PHAF1: variants seen among roughly 807,000 people sequenced by gnomAD.
PHAF1 encodes the protein phagophore assembly factor 1.
A neutral mutation model predicts 63.1 loss-of-function variants in PHAF1; 23 were observed. The observed-to-expected ratio is 0.36, with a 90% confidence interval of 0.26 to 0.52. The LOEUF is 0.52. PHAF1 is among the 20% of genes least tolerant of loss of function. PHAF1 has a pLI of 0.93. For synonymous variants in PHAF1, 167 were observed against 185.0 expected (o/e 0.90, Z 0.79); for missense variants, 427 against 517.2 (o/e 0.83, Z 1.69).
Position 67,134,466 on chromosome 16 carries a change from A to C in PHAF1, c.660A>C (p.Ala220=). ...PAGLRLRLLA[A]GCGPGLLADA... Reference sequence around the variant, plus strand: ...GTTTACGACTTCGCCTACTTGCTGCAGGTCAGTGACTGGCTTTGAGGTTGG... The same window carrying C: ...GTTTACGACTTCGCCTACTTGCTGCCGGTCAGTGACTGGCTTTGAGGTTGG... The change falls in exon 8 of 16, where the codon GCA becomes GCC. Residue 220 remains alanine, a splice_region_variant and synonymous_variant. Transcript: ENST00000219139. 6.2e-7 allele frequency: 1 copy of C among 1,606,948 alleles called. No individual in the cohort carries two copies. The highest frequency in any genetic ancestry group is 8.5e-7 in the Non-Finnish European group (1 of 1,173,572).
chr16:67,141,487 G>C (rs1298134047), intron 10 of PHAF1, among the ~76,000 whole-genome samples: 1 of 152,176 alleles, frequency 6.6e-6, no homozygotes, highest in Non-Finnish European at 1.5e-5. Context: ...GCTCCCGCTG[G>C]GCTCATTCAG....
At chr16:67,144,204 T>C in intron 10 of PHAF1, 90 bp from the exon 11 acceptor site, 1 of 873,768 alleles carries the variant, frequency 1.1e-6, no homozygotes, top group South Asian at 1.4e-5. Flanking sequence ...TGGAGTGCAC[T>C]GGATGTCCCA....
In PHAF1 at chr16:67,147,160, C is replaced by T. The variant is rs754486589; in HGVS notation, c.*29C>T. 1.1e-5 allele frequency: 18 copies of T among 1,573,712 alleles called. No homozygotes were observed. The highest frequency in any genetic ancestry group is 5.5e-5 in the South Asian group (5 of 90,110). ...CACCACCACCCATGCCCCTCTGTCC[C>T]GTGGAACTGTGCATCACATCCTGCT... On this transcript the variant is annotated 3_prime_UTR_variant, in exon 16 of 16. Transcript: ENST00000219139.
intron 3 of PHAF1, among the ~76,000 whole-genome samples, chr16:67,128,098 C>A (rs1029280106): frequency 1.6e-4 from 1 of 6,374 alleles, no homozygotes; most frequent in African/African-American, 1.7e-3. Context: ...AATCCTAACC[C>A]GCCTGTGAAG....
chr16:67,112,677 A>G (rs1364948498), intron 1 of PHAF1, among the ~76,000 whole-genome samples: 1 of 152,206 alleles, frequency 6.6e-6, no homozygotes, highest in African/African-American at 2.4e-5. Context: ...TTTCCCAGGA[A>G]TCAAGGGTTT....
intron 3 of PHAF1, among the ~76,000 whole-genome samples, chr16:67,130,639 G>A (rs959504569): frequency 6.6e-6 from 1 of 152,178 alleles, no homozygotes; most frequent in Non-Finnish European, 1.5e-5. Flanking sequence ...GTGAGCCACC[G>A]TGCCCGGCTA....
At chr16:67,122,477 G>A (rs1462702664) in intron 2 of PHAF1, among the ~76,000 whole-genome samples, 1 of 151,346 alleles carries the variant, frequency 6.6e-6, no homozygotes, top group Non-Finnish European at 1.5e-5. Context: ...TGTAATCCTG[G>A]CTATTCAGGA....
chr16:67,134,120 C>A, intron 6 of PHAF1, 48 bp from the exon 7 acceptor site: 1 of 1,476,122 alleles, frequency 6.8e-7, no homozygotes, highest in South Asian at 1.2e-5. Context: ...GAGCCTGAGT[C>A]CCATCACCTG....
Position 67,132,913 on chromosome 16 carries a change from T to A in PHAF1, c.450+2T>A. 1 of 1,598,106 alleles carries A rather than the reference T, an allele frequency of 6.3e-7. No homozygotes were observed. Among genetic ancestry groups the A allele is most frequent in the Middle Eastern group, 1.7e-4 (1 of 6,030 alleles). ...TGGACTGAGGCTCCAAAGTATGAGG[T>A]TAGCCCTTCCTGTCCCCTGGTGTTT... On this transcript the variant is annotated splice_donor_variant, in intron 6 of 15. Transcript: ENST00000219139. LOFTEE classifies it high-confidence loss of function.
intron 2 of PHAF1, among the ~76,000 whole-genome samples, chr16:67,123,347 C>T (rs1319786790): frequency 2.0e-5 from 3 of 151,722 alleles, no homozygotes; most frequent in South Asian, 4.2e-4. Flanking sequence ...GAGGCCGAGA[C>T]GGGCAGATCA....
intron 1 of PHAF1, among the ~76,000 whole-genome samples, chr16:67,118,268 T>C (rs1962827797): frequency 6.7e-6 from 1 of 148,254 alleles, no homozygotes; most frequent in Non-Finnish European, 1.5e-5. Context: ...CCACTGCACC[T>C]GGCTGCCTAG....
At chr16:67,140,487 T>C in intron 9 of PHAF1, 24 bp from the exon 10 acceptor site, 1 of 1,513,298 alleles carries the variant, frequency 6.6e-7, no homozygotes, top group African/African-American at 1.4e-5. Context: ...TGGATTTTAA[T>C]TTATGGTTAT....
chr16:67,138,347 A>G (rs557787070), intron 8 of PHAF1, among the ~76,000 whole-genome samples: 52 of 152,282 alleles, frequency 3.4e-4, no homozygotes, highest in African/African-American at 1.3e-3. Flanking sequence ...AGTTGAACTC[A>G]GTATTTAGTT....
At chr16:67,128,590 C>T (rs1963275460) in intron 3 of PHAF1, among the ~76,000 whole-genome samples, 1 of 152,228 alleles carries the variant, frequency 6.6e-6, no homozygotes, top group South Asian at 2.1e-4. Context: ...TTACAGCCAC[C>T]TGTCTTTTCC....
At chr16:67,113,248 A>T (rs1169162651) in intron 1 of PHAF1, among the ~76,000 whole-genome samples, 1 of 152,120 alleles carries the variant, frequency 6.6e-6, no homozygotes, top group East Asian at 1.9e-4. Context: ...CTGGCATCAC[A>T]ATGGGAAGCT....
intron 9 of PHAF1, 28 bp downstream of exon 9, chr16:67,140,145 C>CT (rs747923191): frequency 9.3e-6 from 15 of 1,605,168 alleles, no homozygotes; most frequent in Admixed American, 3.4e-5. Flanking sequence ...CAGTCTCCTC[C>CT]TTTTTTTTAA....
At chr16:67,134,660 C>A in intron 8 of PHAF1, 193 bp downstream of exon 8, 1 of 681,566 alleles carries the variant, frequency 1.5e-6, no homozygotes, top group Non-Finnish European at 2.7e-6. Context: ...GATCAAGGCA[C>A]TGGCAGATTC....
chr16:67,121,990 T>C (rs1962998106), intron 2 of PHAF1, among the ~76,000 whole-genome samples: 1 of 152,144 alleles, frequency 6.6e-6, no homozygotes, highest in South Asian at 2.1e-4. Context: ...CTCAATCCCC[T>C]AGGCTCAAGT....
At chr16:67,133,827 CCCAG>C (rs1963507383) in intron 6 of PHAF1, among the ~76,000 whole-genome samples, 1 of 151,498 alleles carries the variant, frequency 6.6e-6, no homozygotes, top group Admixed American at 6.6e-5. Flanking sequence ...CACTTGTAGT[CCCAG>C]CTACTCAGGA....
Sources: allele counts gnomAD v4.1 joint callset (sites outside exome capture counted in the v4.1 genomes callset), GRCh38; gene constraint gnomAD v4.1.1; transcripts MANE v1.5; gene names NCBI Gene and HGNC (gene_info 2026-07-23, HGNC 2026-07-21).